NOL4L: variants seen among roughly 807,000 people sequenced by gnomAD.
NOL4L encodes nucleolar protein 4-like.
In NOL4L, 7 loss-of-function variants were observed where a neutral mutation model predicts 64.5. The observed-to-expected ratio is 0.11, with a 90% CI of 0.06 to 0.20. The LOEUF is 0.20. NOL4L is among the 10% of genes least tolerant of loss of function. The pLI, the probability that NOL4L is intolerant of heterozygous loss-of-function variation, is 1.00. For missense variants in NOL4L, 680 were observed against 967.1 expected, an observed-to-expected ratio of 0.70 and a Z score of 3.94; for synonymous variants, 413 against 401.0, an observed-to-expected ratio of 1.03 and a Z score of -0.36.
At chr20:32,511,054 G>C (rs889102583) in intron 4 of NOL4L, among the ~76,000 whole-genome samples, 6 of 152,120 alleles carry the variant, frequency 3.9e-5, no homozygotes, top group African/African-American at 4.8e-5. Flanking sequence ...CAGGGGCCAG[G>C]GCTGCGGCTC....
chr20:32,584,125 C>CCGCG lies in NOL4L; in HGVS notation c.321+441_321+444dup, dbSNP rs1281692898. On this transcript the variant is annotated intron_variant, in intron 1 of 10. Transcript: ENST00000621426. ...CCCCCCCACCCCGCGGCACCACCCTCCGCGCGCGCACACACACACACACAC... is the reference window on the plus strand; with the variant it reads ...CCCCCCCACCCCGCGGCACCACCCTCCGCGCGCGCGCGCACACACACACACACAC... Among the ~76,000 whole-genome samples, 16 of 122,396 alleles carry CCGCG rather than the reference C, an allele frequency of 1.3e-4. 1 individual carries two copies. The highest frequency in any genetic ancestry group is 1.1e-4 in the African/African-American group (3 of 26,472). 80.3% of individuals were successfully genotyped at this position (122,396 alleles called of 152,430 possible).
At chr20:32,456,669 C>A (rs971167301) in intron 5 of NOL4L, among the ~76,000 whole-genome samples, 9 of 152,216 alleles carry the variant, frequency 5.9e-5, no homozygotes, top group Non-Finnish European at 1.2e-4. Context: ...AACTCGCAAG[C>A]GTTATGTCCA....
At chr20:32,542,234 G>A (rs766963475) in intron 1 of NOL4L, among the ~76,000 whole-genome samples, 3 of 152,242 alleles carry the variant, frequency 2.0e-5, no homozygotes, top group African/African-American at 4.8e-5. Flanking sequence ...GACAATGAGA[G>A]CTGCTCAGGC....
In NOL4L at chr20:32,515,906, ACCAGC is replaced by A. The variant is rs138721702; in HGVS notation, c.590-4455_590-4451del. 9.3e-3 allele frequency among the ~76,000 whole-genome samples: 1,421 copies of A among 152,310 alleles called. 10 individuals carry two copies. Among genetic ancestry groups the A allele is most frequent in the Non-Finnish European group, 0.015 (1,039 of 68,024 alleles). On this transcript the variant is annotated intron_variant, in intron 3 of 10. Transcript: ENST00000621426. ...CATCTCTTTGCCAAGAAAAATGGAA[ACCAGC>A]CCAGGCACTAGACCTAGTTTTATGC...
At chr20:32,493,109 A>G (rs1226992283) in intron 4 of NOL4L, among the ~76,000 whole-genome samples, 1 of 152,186 alleles carries the variant, frequency 6.6e-6, no homozygotes, top group African/African-American at 2.4e-5. Flanking sequence ...TTCTCCATAC[A>G]AGCCTTGGAA....
At chr20:32,535,229 TA>T (rs1165710387) in intron 1 of NOL4L, among the ~76,000 whole-genome samples, 1 of 151,232 alleles carries the variant, frequency 6.6e-6, no homozygotes, top group Non-Finnish European at 1.5e-5. Context: ...GGCAGTATTT[TA>T]ATTTCTCTCG....
At position 32,545,420 on chromosome 20, in the gene NOL4L, G is replaced by A. The variant is rs150278364; in HGVS notation, c.322-17507C>T. On this transcript the variant is annotated intron_variant, in intron 1 of 10. Coordinates refer to ENST00000621426, the MANE Select transcript of NOL4L (RefSeq NM_001256798.2). Reference sequence around the variant, plus strand: ...GCCACTCACACGTGTGCGATGTCACGTTGACATCTCCAGCATGGGCCTCTC... The same window carrying A: ...GCCACTCACACGTGTGCGATGTCACATTGACATCTCCAGCATGGGCCTCTC... 3.0e-3 allele frequency among the ~76,000 whole-genome samples: 460 copies of A among 152,340 alleles called. 2 individuals are homozygous for A. Among genetic ancestry groups the A allele is most frequent in the African/African-American group, 0.01 (430 of 41,574 alleles).
At chr20:32,561,737 T>G (rs1056549615) in intron 1 of NOL4L, among the ~76,000 whole-genome samples, 1 of 152,182 alleles carries the variant, frequency 6.6e-6, no homozygotes, top group Non-Finnish European at 1.5e-5. Flanking sequence ...GGGCAAGTTA[T>G]TTGTCTCCCC....
intron 5 of NOL4L, among the ~76,000 whole-genome samples, chr20:32,458,195 C>T (rs377275137): frequency 2.0e-5 from 3 of 152,286 alleles, no homozygotes; most frequent in Non-Finnish European, 4.4e-5. Context: ...AGTAAGAGTC[C>T]GGCCCACAGC....
At chr20:32,484,775 C>T (rs925454604) in intron 4 of NOL4L, among the ~76,000 whole-genome samples, 2 of 152,234 alleles carry the variant, frequency 1.3e-5, no homozygotes, top group African/African-American at 2.4e-5. Flanking sequence ...AGATGCGGTC[C>T]CCCAGGCGGA....
intron 1 of NOL4L, among the ~76,000 whole-genome samples, chr20:32,543,249 C>G (rs376574092): frequency 6.6e-6 from 1 of 152,114 alleles, no homozygotes; most frequent in South Asian, 2.1e-4. Context: ...TTGAAGGATG[C>G]GTGGCACTTC....
At chr20:32,488,813 CTTTCTTTCTTTCTTTTT>C (rs1568648446) in intron 4 of NOL4L, among the ~76,000 whole-genome samples, 283 of 24,380 alleles carry the variant, frequency 0.012, 4 homozygotes, top group Non-Finnish European at 0.016. Flanking sequence ...CTTTTTCTTT[CTTTCTTTCTTTCTTTTT>C]CTTTCTTTCT....
At position 32,488,897 on chromosome 20, in the gene NOL4L, T is replaced by C. The variant is rs113961866; in HGVS notation, c.700-14155A>G. ...TTTCTTTCTTTCTTTCTTTCTTTCC[T>C]CTCTCTTTCTTTCTTTCTGACTAAC... is the stretch of plus-strand genomic sequence containing the variant. On this transcript the variant is annotated intron_variant, in intron 4 of 10. Transcript: ENST00000621426. 8.8e-3 allele frequency among the ~76,000 whole-genome samples: 1,190 copies of C among 135,416 alleles called. 24 individuals carry two copies. The highest frequency in any genetic ancestry group is 0.032 in the African/African-American group (1,135 of 35,720). The allele number at this position is 135,416 out of a possible 152,430, so 88.8% of individuals were successfully genotyped here. A position where few individuals can be genotyped will look rare whatever the true frequency, so the allele number is the denominator to read the frequency against.
At chr20:32,451,154 C>A (rs559914097) in intron 10 of NOL4L, among the ~76,000 whole-genome samples, 3 of 152,280 alleles carry the variant, frequency 2.0e-5, no homozygotes, top group South Asian at 2.1e-4. Flanking sequence ...CCAGGGTTCC[C>A]CAGCTTACAG....
At chr20:32,468,177 C>T (rs559024247) in intron 5 of NOL4L, among the ~76,000 whole-genome samples, 2 of 152,154 alleles carry the variant, frequency 1.3e-5, no homozygotes, top group South Asian at 4.1e-4. Context: ...CCGGCCAGAT[C>T]CATGGCACAG....
intron 4 of NOL4L, among the ~76,000 whole-genome samples, chr20:32,500,619 T>C (rs2016887078): frequency 6.6e-6 from 1 of 151,236 alleles, no homozygotes. Context: ...TGGTTTTTAA[T>C]ATGGTTTTCC....
At chr20:32,488,827 T>TTCTCTTTCTTTCTTTCTTTCTTTC (rs11483298) in intron 4 of NOL4L, among the ~76,000 whole-genome samples, 2 of 33,136 alleles carry the variant, frequency 6.0e-5, no homozygotes, top group Non-Finnish European at 1.1e-4. Flanking sequence ...CTTTCTTTCT[T>TTCTCTTTCTTTCTTTCTTTCTTTC]TTTCTTTCTT....
At position 32,500,330 on chromosome 20, in the gene NOL4L, G is replaced by GT. The variant is rs376727687; in HGVS notation, c.699+11016dup. Among the ~76,000 whole-genome samples, 199 of 151,000 alleles carry GT rather than the reference G, an allele frequency of 1.3e-3. 1 individual carries two copies. In the Middle Eastern group the frequency reaches 0.014, roughly 11 times the overall value. ...CTCCCAAAGTGTTGGGATAATGGGT[G>GT]TAAGCCACCATGCCCAGCCAGATTT... is the stretch of plus-strand genomic sequence containing the variant. On this transcript the variant is annotated intron_variant, in intron 4 of 10. Transcript: ENST00000621426.
chr20:32,516,481 T>C (rs914612326), intron 3 of NOL4L, among the ~76,000 whole-genome samples: 4 of 152,006 alleles, frequency 2.6e-5, no homozygotes, highest in Admixed American at 2.6e-4. Flanking sequence ...GAGGAAGAGC[T>C]GAGAGGGCCC....
Sources: gnomAD v4.1 joint callset for allele counts (sites outside exome capture counted in the v4.1 genomes callset) on GRCh38, gnomAD v4.1.1 for gene constraint, MANE v1.5 for transcripts, NCBI Gene and HGNC (gene_info 2026-07-23, HGNC 2026-07-21) for gene names.